The following CSNK2A1 variants were observed in gnomAD, a reference collection of about 807,000 sequenced individuals.
CSNK2A1 encodes the protein casein kinase 2 alpha 1.
In CSNK2A1, 10 loss-of-function variants were observed where a neutral mutation model predicts 62.9. The ratio of observed to expected loss-of-function variants is 0.16; its 90% CI spans 0.10 to 0.27. CSNK2A1 has a LOEUF of 0.27. CSNK2A1 is among the 10% of genes least tolerant of loss of function. The pLI, the probability that CSNK2A1 is intolerant of heterozygous loss-of-function variation, is 1.00. For missense variants in CSNK2A1, 160 were observed against 492.0 expected, an observed-to-expected ratio of 0.33 and a Z score of 6.38; for synonymous variants, 124 against 167.8, an observed-to-expected ratio of 0.74 and a Z score of 2.02.
intron 3 of CSNK2A1, chr20:506,951 A>C (rs1011662633): frequency 7.9e-5 from 12 of 152,226 alleles, no homozygotes; most frequent in African/African-American, 2.7e-4. Context: ...TGTCACCTAG[A>C]GTCCAAAGCC....
chr20:487,678 A>C, intron 11 of CSNK2A1, 103 bp from the exon 12 acceptor site: 1 of 1,520,902 alleles, frequency 6.6e-7, no homozygotes, highest in Non-Finnish European at 9.0e-7. Flanking sequence ...AGACAAAAGC[A>C]AAGAGGGATC....
chr20:492,147 G>A (rs1022609663), intron 9 of CSNK2A1, 107 bp downstream of exon 9: 3 of 773,626 alleles, frequency 3.9e-6, no homozygotes, highest in Non-Finnish European at 6.4e-6. Context: ...CTGTGAATGT[G>A]CATTAAGTGG....
intron 3 of CSNK2A1, among the ~76,000 whole-genome samples, chr20:505,570 A>C (rs751912533): frequency 1.3e-5 from 2 of 151,288 alleles, no homozygotes; most frequent in Admixed American, 6.6e-5. Context: ...CACCGTGTTA[A>C]CCAGGATGGT....
rs142680688 is a variant in CSNK2A1, at chr20:483,960, G to A, written c.*1C>T. 1.6e-3 allele frequency: 2,520 copies of A among 1,610,522 alleles called. No individual in the cohort carries two copies. The highest frequency in any genetic ancestry group is 2.1e-3 in the Admixed American group (123 of 59,618). On this transcript the variant is annotated 3_prime_UTR_variant, in exon 14 of 14. Transcript: ENST00000217244. ...CAGGCATCAGGAGACAGATAGGGCC[G>A]TTACTGCTGAGCGCCAGCGGCAGCT...
intron 3 of CSNK2A1, 130 bp from the exon 4 acceptor site, chr20:505,359 T>G: frequency 1.4e-6 from 1 of 689,662 alleles, no homozygotes; most frequent in Non-Finnish European, 2.3e-6. Context: ...AGGTTTTTTT[T>G]TTTTTTTTTT....
intron 2 of CSNK2A1, among the ~76,000 whole-genome samples, chr20:522,384 C>T (rs1268237188): frequency 6.6e-6 from 1 of 152,208 alleles, no homozygotes; most frequent in Non-Finnish European, 1.5e-5. Flanking sequence ...ATGAGAAGGG[C>T]ACTTCACCTC....
At chr20:506,782 T>C (rs1479570625) in intron 3 of CSNK2A1, 2 of 151,914 alleles carry the variant, frequency 1.3e-5, no homozygotes, top group Non-Finnish European at 2.9e-5. Context: ...CTACTTCTGG[T>C]TGAGTTCTCT....
chr20:479,912 A>T lies in CSNK2A1; in HGVS notation c.*4049T>A, dbSNP rs2017921559. On this transcript the variant is annotated 3_prime_UTR_variant, in exon 14 of 14. Coordinates refer to ENST00000217244, the MANE Select transcript of CSNK2A1 (RefSeq NM_177559.3). The stretch of plus-strand genomic sequence containing the variant: ...TTCAGATTAGGAATATTGAACTGGT[A>T]TGTATTCCGCAAATATTCCAAAAAT... 1.3e-5 allele frequency: 2 copies of T among 152,246 alleles called. No homozygotes were observed. The highest frequency in any genetic ancestry group is 6.5e-5 in the Admixed American group (1 of 15,288). The allele number at this position is 152,246 out of a possible 1,614,324, so 9.4% of individuals were successfully genotyped here.
intron 4 of CSNK2A1, chr20:503,208 G>A: frequency 3.0e-6 from 1 of 328,978 alleles, no homozygotes; most frequent in Non-Finnish European, 5.5e-6. Flanking sequence ...GCAGTGGTTT[G>A]ATCATAGATC....
chr20:492,607 G>A (rs1600375920), intron 8 of CSNK2A1: 2 of 484,258 alleles, frequency 4.1e-6, no homozygotes, highest in East Asian at 6.9e-5. Flanking sequence ...ACTGCTCAAT[G>A]ACTAAAATGT....
intron 8 of CSNK2A1, among the ~76,000 whole-genome samples, chr20:493,963 T>C (rs1172943343): frequency 6.6e-6 from 1 of 152,196 alleles, no homozygotes; most frequent in Non-Finnish European, 1.5e-5. Flanking sequence ...CATAATAATA[T>C]TATATGGTAT....
chr20:487,655 T>A, intron 11 of CSNK2A1, 80 bp from the exon 12 acceptor site: 2 of 1,593,594 alleles, frequency 1.3e-6, no homozygotes, highest in Non-Finnish European at 1.7e-6. Flanking sequence ...TTTTTCTTAG[T>A]GGCTAACAGC....
In CSNK2A1 at chr20:525,668, GA is replaced by G. The variant is rs1167989255; in HGVS notation, c.-110+2264del. Among the ~76,000 whole-genome samples, 190 of 125,602 alleles carry G rather than the reference GA, an allele frequency of 1.5e-3. 1 individual carries two copies. Among genetic ancestry groups the G allele is most frequent in the African/African-American group, 1.3e-3 (43 of 31,932 alleles). The allele number at this position is 125,602 out of a possible 152,430, so 82.4% of individuals were successfully genotyped here. A position where few individuals can be genotyped will look rare whatever the true frequency, so the allele number is the denominator to read the frequency against. On this transcript the variant is annotated intron_variant, in intron 2 of 13. Transcript: ENST00000217244. ...TCCATCTCAAAAAAAAAAAAAAAAA[GA>G]AAAAAAAAATAATAATAATTAGGCT...
intron 2 of CSNK2A1, among the ~76,000 whole-genome samples, chr20:509,679 G>C (rs536599318): frequency 2.6e-5 from 4 of 152,318 alleles, no homozygotes; most frequent in Middle Eastern, 3.4e-3. Flanking sequence ...GGACTCCGGT[G>C]ATTCTTTCAC....
intron 2 of CSNK2A1, among the ~76,000 whole-genome samples, chr20:525,972 T>C (rs1044161029): frequency 6.6e-6 from 1 of 151,640 alleles, no homozygotes; most frequent in Non-Finnish European, 1.5e-5. Context: ...GCCACTGCAC[T>C]CTAGCCTGGG....
intron 7 of CSNK2A1, chr20:496,621 C>G (rs1449139904): frequency 6.6e-6 from 1 of 152,186 alleles, no homozygotes; most frequent in Admixed American, 6.5e-5. Context: ...CCTTGCTTGC[C>G]ACAAACTGCA....
chr20:537,140 A>T (rs1328917912), intron 1 of CSNK2A1, among the ~76,000 whole-genome samples: 1 of 152,206 alleles, frequency 6.6e-6, no homozygotes, highest in Non-Finnish European at 1.5e-5. Flanking sequence ...AACCTGTCAG[A>T]AAAACCCACA....
intron 8 of CSNK2A1, chr20:494,735 A>T (rs2018310416): frequency 1.3e-5 from 2 of 152,128 alleles, no homozygotes; most frequent in Admixed American, 1.3e-4. Flanking sequence ...TACCTCTTTG[A>T]TTTCATTTCC....
At chr20:529,978 T>G (rs1394967744) in intron 1 of CSNK2A1, among the ~76,000 whole-genome samples, 2 of 152,062 alleles carry the variant, frequency 1.3e-5, no homozygotes, top group East Asian at 3.9e-4. Context: ...ACATATTACT[T>G]TTAAAAATTG....
Sources: gnomAD v4.1 joint callset for allele counts (sites outside exome capture counted in the v4.1 genomes callset) on GRCh38, gnomAD v4.1.1 for gene constraint, MANE v1.5 for transcripts, NCBI Gene and HGNC (gene_info 2026-07-23, HGNC 2026-07-21) for gene names.